LMBR1L: variants seen among roughly 807,000 people sequenced by gnomAD.
The protein encoded by LMBR1L is protein LMBR1L.
A neutral mutation model predicts 67.3 loss-of-function variants in LMBR1L; 47 were observed. The ratio of observed to expected loss-of-function variants is 0.70; its 90% confidence interval spans 0.55 to 0.89. LMBR1L has a LOEUF of 0.89. LMBR1L is among the 40% of genes least tolerant of loss of function. LMBR1L has a pLI of 0.00. For missense variants in LMBR1L, 533 were observed against 599.2 expected, an observed-to-expected ratio of 0.89 and a Z score of 1.15; for synonymous variants, 247 against 250.3, an observed-to-expected ratio of 0.99 and a Z score of 0.13.
chr12:49,100,634 C>T lies in LMBR1L; in HGVS notation c.1095G>A (p.Val365=), dbSNP rs534094031. Residue 365 remains valine (V), a synonymous_variant, in exon 14 of 17, where the codon GTG becomes GTA. Coordinates refer to ENST00000267102, the MANE Select transcript of LMBR1L (RefSeq NM_018113.4). ...AGCTATAGAAGCCCACAACTGAGGA[C>T]ACCATTAGGTAACTGCCACTGCATT... ...IQVVLIFYLM[V]SSVVGFYSSP... is the part of the protein sequence containing the mutation. 2.5e-6 allele frequency: 4 copies of T among 1,613,538 alleles called. No individual in the cohort carries two copies. In the African/African-American group the frequency reaches 4.0e-5, roughly 16 times the overall value.
chr12:49,107,827 A>G (rs1941092921), intron 1 of LMBR1L, among the ~76,000 whole-genome samples: 1 of 152,208 alleles, frequency 6.6e-6, no homozygotes, highest in South Asian at 2.1e-4. Flanking sequence ...TTGGCTCTAT[A>G]ATCAAGAACA....
In LMBR1L at chr12:49,100,543, C is replaced by A; in HGVS notation, c.1173+13G>T. On this transcript the variant is annotated intron_variant, in intron 14 of 16. Coordinates refer to ENST00000267102, the MANE Select transcript of LMBR1L (RefSeq NM_018113.4). ...ACACCCCCCGGGAGCTTCCCTTACT[C>A]CCTCCCAGCTACCTGCGTCATGGCA... is the stretch of plus-strand genomic sequence containing the variant. The A allele has an allele frequency of 1.2e-6, 2 of 1,613,028 alleles. No individual in the cohort carries two copies. Among genetic ancestry groups the A allele is most frequent in the Non-Finnish European group, 1.7e-6 (2 of 1,179,004 alleles).
chr12:49,104,723 A>G (rs372823732), intron 4 of LMBR1L, 23 bp downstream of exon 4: 32 of 1,612,750 alleles, frequency 2.0e-5, no homozygotes, highest in Non-Finnish European at 2.6e-5. Flanking sequence ...CCCTACCCCA[A>G]GCAGCTTCCA....
chr12:49,108,124 G>A (rs1309914557), intron 1 of LMBR1L, among the ~76,000 whole-genome samples: 2 of 152,110 alleles, frequency 1.3e-5, no homozygotes, highest in African/African-American at 4.8e-5. Context: ...TTAGCTGGGT[G>A]TGGTGGTGCA....
chr12:49,100,603 G>A lies in LMBR1L; in HGVS notation c.1126C>T (p.Leu376Phe), dbSNP rs1259538486. 8 of 1,614,092 alleles carry A rather than the reference G, an allele frequency of 5.0e-6. No individual in the cohort carries two copies. Among genetic ancestry groups the A allele is most frequent in the South Asian group, 1.1e-5 (1 of 91,086 alleles). ...SSVVGFYSSP[L>F]FRSLRPRWHD... ...CATCTGGGCCGCAGGCTCCGGAAGAGTGGAGAGCTATAGAAGCCCACAACT... is the reference window on the plus strand; with the variant it reads ...CATCTGGGCCGCAGGCTCCGGAAGAATGGAGAGCTATAGAAGCCCACAACT... Residue 376 changes from leucine to phenylalanine, a missense_variant, in exon 14 of 17, where the codon CTC (leucine) becomes TTC (phenylalanine). Leu to Phe is a conservative substitution (Grantham distance 22). Coordinates refer to ENST00000267102, the MANE Select transcript of LMBR1L (RefSeq NM_018113.4).
chr12:49,110,290 T>C (rs1007310786), intron 1 of LMBR1L, 194 bp downstream of exon 1: 4 of 610,894 alleles, frequency 6.5e-6, no homozygotes, highest in African/African-American at 1.9e-5. Context: ...CCTTTGTTTA[T>C]CGCTCAGGGA....
At position 49,102,274 on chromosome 12, in the gene LMBR1L, G is replaced by A; in HGVS notation, c.853+19C>T. The stretch of plus-strand genomic sequence containing the variant: ...CCTTGGGGAAACCCAGGTATCCCAA[G>A]CCCTACGAAGCCACATACCCAGCAG... On this transcript the variant is annotated intron_variant, in intron 10 of 16. Coordinates refer to ENST00000267102, the MANE Select transcript of LMBR1L (RefSeq NM_018113.4). 6.2e-7 allele frequency: 1 copy of A among 1,613,738 alleles called. No homozygotes were observed. The highest frequency in any genetic ancestry group is 8.5e-7 in the Non-Finnish European group (1 of 1,179,580).
At chr12:49,097,800 G>A in intron 16 of LMBR1L, 61 bp from the exon 17 acceptor site, 2 of 1,607,664 alleles carry the variant, frequency 1.2e-6, no homozygotes, top group African/African-American at 1.3e-5. Context: ...TAGGGACCAG[G>A]CAGCCAAGCC....
At chr12:49,105,887 G>T in intron 3 of LMBR1L, 37 bp downstream of exon 3, 2 of 1,585,116 alleles carry the variant, frequency 1.3e-6, no homozygotes, top group Non-Finnish European at 1.7e-6. Context: ...AGTTCCTAAA[G>T]ACCACTGATG....
In LMBR1L at chr12:49,097,574, A is replaced by G; in HGVS notation, c.*98T>C. The G allele has an allele frequency of 8.1e-7, 1 of 1,238,836 alleles. No individual in the cohort carries two copies. 76.7% of individuals were successfully genotyped at this position (1,238,836 alleles called of 1,614,324 possible). A position where few individuals can be genotyped will look rare whatever the true frequency, so the allele number is the denominator to read the frequency against. On this transcript the variant is annotated 3_prime_UTR_variant, in exon 17 of 17. Transcript: ENST00000267102. ...TCCCCTCTGCCACCCACCCTCTCAGATTCCAGGTCCTGAGGTCCAAGTAGC... is the reference window on the plus strand; with the variant it reads ...TCCCCTCTGCCACCCACCCTCTCAGGTTCCAGGTCCTGAGGTCCAAGTAGC...
intron 11 of LMBR1L, 128 bp downstream of exon 11, chr12:49,101,992 A>C: frequency 1.3e-6 from 1 of 752,852 alleles, no homozygotes; most frequent in Non-Finnish European, 2.2e-6. Flanking sequence ...AGGACATAAA[A>C]GTAGGCACTC....
intron 8 of LMBR1L, 82 bp from the exon 9 acceptor site, chr12:49,102,622 G>T: frequency 7.1e-7 from 1 of 1,406,078 alleles, no homozygotes; most frequent in Non-Finnish European, 1.0e-6. Context: ...TCTTCCCAGG[G>T]CTCCGTAGTC....
chr12:49,103,060 G>A (rs1940418326), intron 7 of LMBR1L, 31 bp downstream of exon 7: 5 of 1,610,324 alleles, frequency 3.1e-6, no homozygotes. Flanking sequence ...CAAGGACCCT[G>A]CCCATTCCCT....
At chr12:49,103,555 T>C (rs979940275) in intron 6 of LMBR1L, 132 bp downstream of exon 6, 1 of 1,115,604 alleles carries the variant, frequency 9.0e-7, no homozygotes, top group African/African-American at 1.6e-5. Context: ...GCCAGATGTC[T>C]ATCAGTTTGA....
intron 13 of LMBR1L, 58 bp from the exon 14 acceptor site, chr12:49,100,704 G>T (rs1940051527): frequency 1.5e-5 from 19 of 1,294,722 alleles, no homozygotes; most frequent in Non-Finnish European, 2.0e-5. Context: ...TCATCTCAAA[G>T]GGAACAGAGC....
chr12:49,098,171 TC>T (rs1939651438), intron 15 of LMBR1L, 66 bp from the exon 16 acceptor site: 1 of 1,534,148 alleles, frequency 6.5e-7, no homozygotes, highest in African/African-American at 1.4e-5. Context: ...AGCCCAACTT[TC>T]TGCTGCCTCC....
chr12:49,106,037 C>G, intron 2 of LMBR1L, 80 bp from the exon 3 acceptor site: 3 of 1,222,794 alleles, frequency 2.5e-6, no homozygotes, highest in Non-Finnish European at 3.6e-6. Flanking sequence ...ACAATGTGCT[C>G]CCTGCCCCAT....
chr12:49,110,334 G>C (rs1016030058), intron 1 of LMBR1L, 150 bp downstream of exon 1: 1 of 717,798 alleles, frequency 1.4e-6, no homozygotes, highest in African/African-American at 1.8e-5. Flanking sequence ...TCGCTAGCCG[G>C]GCACCCGCCC....
chr12:49,099,738 C>T lies in LMBR1L; in HGVS notation c.1240+650G>A, dbSNP rs535795875. Among the ~76,000 whole-genome samples, 6 of 152,266 alleles carry T rather than the reference C, an allele frequency of 3.9e-5. No homozygotes were observed. In the East Asian group the frequency reaches 1.2e-3, roughly 29 times the overall value. On this transcript the variant is annotated intron_variant, in intron 15 of 16. Coordinates refer to ENST00000267102, the MANE Select transcript of LMBR1L (RefSeq NM_018113.4). ...CTGGGACTACAGGCATGCACCACCA[C>T]ACCTGGCTAATTTTGTATTTTTAGT...
Sources: gnomAD v4.1 joint callset for allele counts (sites outside exome capture counted in the v4.1 genomes callset) on GRCh38, gnomAD v4.1.1 for gene constraint, MANE v1.5 for transcripts, NCBI Gene and HGNC (gene_info 2026-07-23, HGNC 2026-07-21) for gene names.